GRID2: variants seen among roughly 807,000 people sequenced by gnomAD.
The protein encoded by GRID2 is glutamate receptor ionotropic, delta-2.
Under a neutral mutation model 114.8 loss-of-function variants are expected in GRID2, and 33 were observed. The ratio of observed to expected loss-of-function variants is 0.29; its 90% confidence interval spans 0.22 to 0.38. The LOEUF is 0.38. Ranked by LOEUF, GRID2 falls within the 10% of genes least tolerant of loss-of-function variation. The probability of loss-of-function intolerance (pLI) is 1.00; values close to 1 mark genes in which losing one functional copy is unlikely to be tolerated. For synonymous variants in GRID2, 505 were observed against 449.9 expected, an observed-to-expected ratio of 1.12 and a Z score of -1.55; for missense variants, 1,184 against 1,257.7, an observed-to-expected ratio of 0.94 and a Z score of 0.89.
At chr4:93,135,965 A>C (rs2149380565) in intron 4 of GRID2, among the ~76,000 whole-genome samples, 1 of 152,296 alleles carries the variant, frequency 6.6e-6, no homozygotes, top group Non-Finnish European at 1.5e-5. Flanking sequence ...CCATCATTTT[A>C]TCCATTTTGT....
At chr4:92,845,932 C>T (rs2149416066) in intron 2 of GRID2, among the ~76,000 whole-genome samples, 1 of 152,174 alleles carries the variant, frequency 6.6e-6, no homozygotes, top group South Asian at 2.1e-4. Context: ...TCTTTCTGAA[C>T]CCTGTTTGAT....
intron 11 of GRID2, among the ~76,000 whole-genome samples, chr4:93,466,040 A>G (rs1404346020): frequency 6.6e-6 from 1 of 152,112 alleles, no homozygotes; most frequent in Non-Finnish European, 1.5e-5. Flanking sequence ...ATAAAGACTT[A>G]GGTTTTGGGG....
chr4:92,621,206 G>A (rs960224133), intron 2 of GRID2, among the ~76,000 whole-genome samples: 3 of 151,800 alleles, frequency 2.0e-5, no homozygotes, highest in Admixed American at 1.3e-4. Context: ...TTAGATTAGA[G>A]CTGAGATTTT....
At chr4:93,702,094 G>C (rs1383651256) in intron 14 of GRID2, among the ~76,000 whole-genome samples, 1 of 151,912 alleles carries the variant, frequency 6.6e-6, no homozygotes, top group Non-Finnish European at 1.5e-5. Flanking sequence ...CTTTTATTAT[G>C]AAATCGACTC....
intron 8 of GRID2, among the ~76,000 whole-genome samples, chr4:93,247,864 C>T (rs1293938243): frequency 1.3e-5 from 2 of 152,036 alleles, no homozygotes; most frequent in African/African-American, 4.8e-5. Context: ...CTACTATTGG[C>T]ATCCATACTC....
intron 1 of GRID2, among the ~76,000 whole-genome samples, chr4:92,557,171 A>G (rs970062339): frequency 1.3e-5 from 2 of 152,116 alleles, no homozygotes; most frequent in Admixed American, 6.6e-5. Flanking sequence ...AGATTAAAAT[A>G]TTAACAAAAT....
intron 14 of GRID2, among the ~76,000 whole-genome samples, chr4:93,677,613 C>T (rs1445538222): frequency 1.3e-5 from 2 of 152,058 alleles, no homozygotes; most frequent in South Asian, 2.1e-4. Context: ...CAGCAGCATT[C>T]GCAGTTCATG....
chr4:92,810,624 G>A (rs751442489), intron 2 of GRID2, among the ~76,000 whole-genome samples: 73 of 152,154 alleles, frequency 4.8e-4, no homozygotes, highest in Non-Finnish European at 1.0e-3. Flanking sequence ...CTGATTCATA[G>A]ACAATCTTAT....
intron 1 of GRID2, among the ~76,000 whole-genome samples, chr4:92,425,755 T>C (rs1013621625): frequency 7.2e-5 from 11 of 152,094 alleles, no homozygotes; most frequent in African/African-American, 2.2e-4. Flanking sequence ...AGCTGTGTGA[T>C]TTAAGATAAA....
At chr4:93,049,350 G>A (rs909386549) in intron 2 of GRID2, among the ~76,000 whole-genome samples, 5 of 151,860 alleles carry the variant, frequency 3.3e-5, no homozygotes, top group Non-Finnish European at 7.4e-5. Flanking sequence ...ATATGTGCAC[G>A]CAGATTCAGT....
At chr4:93,678,000 AACC>A (rs1299030047) in intron 14 of GRID2, among the ~76,000 whole-genome samples, 2 of 152,008 alleles carry the variant, frequency 1.3e-5, no homozygotes, top group African/African-American at 4.8e-5. Context: ...AGGAAATTCA[AACC>A]AAAGGCAAAG....
intron 8 of GRID2, among the ~76,000 whole-genome samples, chr4:93,256,935 A>G (rs1479804060): frequency 6.6e-6 from 1 of 151,926 alleles, no homozygotes; most frequent in Non-Finnish European, 1.5e-5. Context: ...AAAACATTAG[A>G]GGATTGTGAC....
At chr4:93,516,425 TATC>T (rs1171440953) in intron 13 of GRID2, among the ~76,000 whole-genome samples, 2 of 152,140 alleles carry the variant, frequency 1.3e-5, no homozygotes, top group Admixed American at 1.3e-4. Context: ...AACATATTGA[TATC>T]ATTCTTCTGA....
At chr4:93,072,823 G>A (rs1002863623) in intron 2 of GRID2, among the ~76,000 whole-genome samples, 1 of 151,956 alleles carries the variant, frequency 6.6e-6, no homozygotes, top group African/African-American at 2.4e-5. Context: ...ATCTATTATG[G>A]GAAGTTAAAA....
At chr4:92,925,074 G>C (rs911927113) in intron 2 of GRID2, among the ~76,000 whole-genome samples, 1 of 151,998 alleles carries the variant, frequency 6.6e-6, no homozygotes, top group African/African-American at 2.4e-5. Flanking sequence ...AAAATAACAC[G>C]TGGTGTCTTT....
At chr4:93,808,916 A>G (rs1284722867) in exon 2 of GRID2, 3 of 152,210 alleles carry the variant, frequency 2.0e-5, no homozygotes, top group Non-Finnish European at 2.9e-5. Flanking sequence ...GCCTTCCCTG[A>G]CTGCCTGACC....
At chr4:93,113,154 G>A (rs1449972630) in intron 4 of GRID2, among the ~76,000 whole-genome samples, 1 of 152,122 alleles carries the variant, frequency 6.6e-6, no homozygotes, top group African/African-American at 2.4e-5. Context: ...GATTCTTCAG[G>A]TGGTCTTAAC....
intron 1 of GRID2, among the ~76,000 whole-genome samples, chr4:92,500,146 G>C (rs895710549): frequency 3.9e-5 from 6 of 152,062 alleles, no homozygotes; most frequent in Non-Finnish European, 8.8e-5. Flanking sequence ...CATTTTACTA[G>C]GATTTGCTTA....
intron 14 of GRID2, among the ~76,000 whole-genome samples, chr4:93,713,229 AAGTTCATTTTACAACC>A (rs1728634480): frequency 6.6e-6 from 1 of 152,130 alleles, no homozygotes; most frequent in Admixed American, 6.6e-5. Context: ...TAAATAATAT[AAGTTCATTTTACAACC>A]AGTTGCTCAC....
Sources: allele counts gnomAD v4.1 joint callset (sites outside exome capture counted in the v4.1 genomes callset), GRCh38; gene constraint gnomAD v4.1.1; transcripts MANE v1.5; gene names NCBI Gene and HGNC (gene_info 2026-07-23, HGNC 2026-07-21).